GULP1: variants seen among roughly 807,000 people sequenced by gnomAD.
GULP1 encodes the protein PTB domain-containing engulfment adapter protein 1.
In GULP1, 19 loss-of-function variants were observed where a neutral mutation model predicts 40.9. The ratio of observed to expected loss-of-function variants is 0.46; its 90% CI spans 0.32 to 0.68. The LOEUF (loss-of-function observed/expected upper bound fraction) is 0.68, where lower values mean the gene tolerates loss of function less well. GULP1 is among the 30% of genes least tolerant of loss of function. GULP1 has a pLI of 0.03. For synonymous variants in GULP1, 119 were observed against 117.6 expected, an observed-to-expected ratio of 1.01 and a Z score of -0.08; for missense variants, 312 against 362.2, an observed-to-expected ratio of 0.86 and a Z score of 1.12.
chr2:188,466,181 A>C (rs534109257), intron 2 of GULP1, among the ~76,000 whole-genome samples: 1 of 152,052 alleles, frequency 6.6e-6, no homozygotes. Flanking sequence ...CTTTTTGTAG[A>C]GCTCTCAATA....
chr2:188,468,193 A>G (rs1412999139), intron 2 of GULP1, among the ~76,000 whole-genome samples: 1 of 152,098 alleles, frequency 6.6e-6, no homozygotes, highest in African/African-American at 2.4e-5. Flanking sequence ...TGATGTCATT[A>G]TTAGCTTGTT....
At chr2:188,586,938 GGTTA>G (rs1702508989) in intron 10 of GULP1, among the ~76,000 whole-genome samples, 1 of 151,804 alleles carries the variant, frequency 6.6e-6, no homozygotes, top group Non-Finnish European at 1.5e-5. Flanking sequence ...ACATTGTGCA[GGTTA>G]GTTACCTATG....
chr2:188,531,695 C>T (rs1687584525), intron 6 of GULP1, among the ~76,000 whole-genome samples: 1 of 152,048 alleles, frequency 6.6e-6, no homozygotes, highest in Non-Finnish European at 1.5e-5. Flanking sequence ...TGCTGGGAAA[C>T]AAGGCAATTG....
intron 2 of GULP1, among the ~76,000 whole-genome samples, chr2:188,455,333 G>A (rs1297020958): frequency 1.3e-5 from 2 of 152,066 alleles, no homozygotes; most frequent in Non-Finnish European, 2.9e-5. Flanking sequence ...GATGTGGTGT[G>A]GCTGTGTCCC....
chr2:188,345,746 G>A (rs758856445), intron 1 of GULP1, among the ~76,000 whole-genome samples: 24 of 152,188 alleles, frequency 1.6e-4, no homozygotes, highest in Non-Finnish European at 3.5e-4. Context: ...AAAGATGCAA[G>A]TGCATTTATA....
Position 188,529,195 on chromosome 2 carries a change from G to A in GULP1, c.261G>A (p.Lys87=). 2.2e-6 allele frequency: 3 copies of A among 1,382,192 alleles called. No individual in the cohort carries two copies. The highest frequency in any genetic ancestry group is 1.5e-5 in the African/African-American group (1 of 68,788). 85.6% of individuals were successfully genotyped at this position (1,382,192 alleles called of 1,614,324 possible). Residue 87 remains lysine, a splice_region_variant and synonymous_variant, in exon 6 of 12, where the codon AAG becomes AAA. Transcript: ENST00000409830. ...YGVKILEPKT[K]EVQHNCQLHR... is the part of the protein sequence containing the mutation. The stretch of plus-strand genomic sequence containing the variant: ...TAAAAATTCTAGAACCCAAAACAAA[G>A]GTAAGGCTTTTTTTTTAATGTTAGA...
At chr2:188,414,216 CAAAAAAAAA>C (rs774779119) in intron 2 of GULP1, among the ~76,000 whole-genome samples, 1 of 44,688 alleles carries the variant, frequency 2.2e-5, no homozygotes, top group Non-Finnish European at 4.4e-5. Flanking sequence ...GACTCCATCT[CAAAAAAAAA>C]AAAAAAAAAA....
chr2:188,531,892 A>G (rs79419265), intron 6 of GULP1, among the ~76,000 whole-genome samples: 1 of 152,184 alleles, frequency 6.6e-6, no homozygotes, highest in African/African-American at 2.4e-5. Context: ...TTAAAAGGAT[A>G]TAGAGTGGTA....
chr2:188,361,088 G>A (rs1380614305), intron 1 of GULP1, among the ~76,000 whole-genome samples: 3 of 152,026 alleles, frequency 2.0e-5, no homozygotes, highest in South Asian at 2.1e-4. Context: ...TGACCATGAC[G>A]TATTAAATGC....
chr2:188,510,532 T>C (rs1319608376), intron 4 of GULP1, among the ~76,000 whole-genome samples: 2 of 152,052 alleles, frequency 1.3e-5, no homozygotes, highest in African/African-American at 4.8e-5. Flanking sequence ...TATATTGTTA[T>C]AAGTAGAATT....
chr2:188,434,327 CTT>C (rs1232171344), intron 2 of GULP1, among the ~76,000 whole-genome samples: 1 of 146,836 alleles, frequency 6.8e-6, no homozygotes, highest in African/African-American at 2.5e-5. Context: ...GTTTCTTTTT[CTT>C]TTTTTTTTAA....
chr2:188,332,122 G>A (rs1041640631), intron 1 of GULP1, among the ~76,000 whole-genome samples: 8 of 151,908 alleles, frequency 5.3e-5, no homozygotes, highest in Non-Finnish European at 1.2e-4. Context: ...CTCTAAGGGA[G>A]GATGATGATA....
intron 2 of GULP1, among the ~76,000 whole-genome samples, chr2:188,385,771 A>T (rs1481165792): frequency 1.3e-5 from 2 of 152,134 alleles, no homozygotes; most frequent in African/African-American, 2.4e-5. Flanking sequence ...CAGGAGCAAA[A>T]TGCCGCCAGT....
At chr2:188,371,461 G>T (rs1326317811) in intron 1 of GULP1, among the ~76,000 whole-genome samples, 1 of 152,058 alleles carries the variant, frequency 6.6e-6, no homozygotes, top group Admixed American at 6.6e-5. Context: ...AAATAAGAGA[G>T]TCGAGATTTC....
chr2:188,297,518 T>A (rs2035227925), intron 1 of GULP1: 1 of 481,042 alleles, frequency 2.1e-6, no homozygotes, highest in Admixed American at 2.3e-5. Flanking sequence ...TCCAGGAACA[T>A]CAAGGATCTT....
At chr2:188,566,794 C>CAAAAAAAA (rs11350294) in intron 7 of GULP1, among the ~76,000 whole-genome samples, 1 of 26,916 alleles carries the variant, frequency 3.7e-5, no homozygotes, top group African/African-American at 1.4e-4. Flanking sequence ...GACTCCATCT[C>CAAAAAAAA]AAAAAAAAAA....
At chr2:188,569,460 A>C in intron 8 of GULP1, 105 bp downstream of exon 8, 1 of 755,058 alleles carries the variant, frequency 1.3e-6, no homozygotes. Flanking sequence ...TTTCACCCAC[A>C]CTGACTGATT....
intron 7 of GULP1, among the ~76,000 whole-genome samples, chr2:188,562,659 A>G (rs1433198323): frequency 6.6e-6 from 1 of 152,164 alleles, no homozygotes; most frequent in Non-Finnish European, 1.5e-5. Flanking sequence ...AGTACCAAAA[A>G]AAACCCCCAA....
At chr2:188,416,571 T>C (rs1460617543) in intron 2 of GULP1, among the ~76,000 whole-genome samples, 2 of 152,164 alleles carry the variant, frequency 1.3e-5, no homozygotes, top group South Asian at 4.1e-4. Context: ...TTTCAGTTCT[T>C]ACCAATTTTG....
Sources: allele counts gnomAD v4.1 joint callset (sites outside exome capture counted in the v4.1 genomes callset), GRCh38; gene constraint gnomAD v4.1.1; transcripts MANE v1.5; gene names NCBI Gene and HGNC (gene_info 2026-07-23, HGNC 2026-07-21).